EPB41L4A: variants seen among roughly 807,000 people sequenced by gnomAD.
EPB41L4A encodes erythrocyte membrane protein band 4.1 like 4A, also known as band 4.1-like protein 4A.
EPB41L4A carries 100 observed loss-of-function variants against 108.6 expected under a neutral mutation model. The observed-to-expected ratio is 0.92, with a 90% confidence interval of 0.78 to 1.09. The LOEUF is 1.09. Among genes scored for constraint, EPB41L4A ranks in the 50% least tolerant of loss-of-function variants. The pLI is 0.00. For synonymous variants in EPB41L4A, 319 were observed against 289.0 expected, an observed-to-expected ratio of 1.10 and a Z score of -1.05; for missense variants, 1,030 against 842.7, an observed-to-expected ratio of 1.22 and a Z score of -2.75.
intron 9 of EPB41L4A, among the ~76,000 whole-genome samples, chr5:112,256,563 TAGAA>T (rs1278960492): frequency 2.0e-5 from 3 of 151,504 alleles, no homozygotes; most frequent in Admixed American, 6.6e-5. Context: ...GAAGAGATAA[TAGAA>T]AGAAAAGATT....
intron 1 of EPB41L4A, among the ~76,000 whole-genome samples, chr5:112,417,219 G>T (rs1409874026): frequency 2.0e-5 from 3 of 152,158 alleles, no homozygotes; most frequent in African/African-American, 4.8e-5. Flanking sequence ...CAGGATTTTT[G>T]ATTCATGTTT....
chr5:112,399,542 C>G (rs1761599959), intron 1 of EPB41L4A, among the ~76,000 whole-genome samples: 1 of 152,156 alleles, frequency 6.6e-6, no homozygotes, highest in African/African-American at 2.4e-5. Context: ...TCCTCACTAT[C>G]TTTTTTTCTC....
chr5:112,408,794 C>T (rs1295962190), intron 1 of EPB41L4A, among the ~76,000 whole-genome samples: 2 of 147,024 alleles, frequency 1.4e-5, no homozygotes, highest in African/African-American at 5.0e-5. Context: ...CAATAAGATG[C>T]TACTTCACAC....
intron 6 of EPB41L4A, 127 bp downstream of exon 6, chr5:112,264,769 A>G (rs1484468269): frequency 1.1e-6 from 1 of 888,258 alleles, no homozygotes; most frequent in African/African-American, 1.7e-5. Context: ...GTTAAACTAT[A>G]CAAAGAGGAG....
intron 4 of EPB41L4A, among the ~76,000 whole-genome samples, chr5:112,267,066 CTCTA>C (rs1751914973): frequency 6.6e-6 from 1 of 152,194 alleles, no homozygotes; most frequent in Non-Finnish European, 1.5e-5. Context: ...GACCCTGGAA[CTCTA>C]TCAATCAGGA....
intron 1 of EPB41L4A, among the ~76,000 whole-genome samples, chr5:112,415,756 G>A (rs1279325823): frequency 6.6e-6 from 1 of 152,104 alleles, no homozygotes; most frequent in Non-Finnish European, 1.5e-5. Context: ...AGCAGCAAAA[G>A]ACAAACAGCT....
At chr5:112,217,502 C>T (rs923169381) in intron 12 of EPB41L4A, among the ~76,000 whole-genome samples, 1 of 152,114 alleles carries the variant, frequency 6.6e-6, no homozygotes, top group African/African-American at 2.4e-5. Context: ...AGTTTGAGAT[C>T]AGCCTGGGCA....
chr5:112,264,799 C>G (rs911086074), intron 6 of EPB41L4A, 97 bp downstream of exon 6: 1 of 1,197,562 alleles, frequency 8.4e-7, no homozygotes, highest in Admixed American at 2.5e-5. Context: ...ATTAAATGCA[C>G]AGGTGAAGAA....
rs545450835 is a variant in EPB41L4A, at chr5:112,241,062, T to C, written c.796-252A>G. ...CTACTTTTACATTGCCCCATGACAA[T>C]AGATAGTTTGGACGGTAGAAGTGAA... On this transcript the variant is annotated intron_variant, in intron 9 of 22. Transcript: ENST00000261486. Among the ~76,000 whole-genome samples, 5 of 152,194 alleles carry C rather than the reference T, an allele frequency of 3.3e-5. No homozygotes were observed. The East Asian group carries it at 9.7e-4, about 29-fold the overall frequency.
intron 1 of EPB41L4A, among the ~76,000 whole-genome samples, chr5:112,331,353 T>C (rs1756556483): frequency 2.0e-5 from 3 of 152,170 alleles, no homozygotes; most frequent in South Asian, 2.1e-4. Context: ...AACAAACCAG[T>C]GGAGAAGTGT....
At chr5:112,400,566 CCA>C (rs943307232) in intron 1 of EPB41L4A, among the ~76,000 whole-genome samples, 2 of 152,002 alleles carry the variant, frequency 1.3e-5, no homozygotes, top group African/African-American at 4.8e-5. Flanking sequence ...GAGGGAGGTG[CCA>C]CACACTTTTA....
intron 1 of EPB41L4A, among the ~76,000 whole-genome samples, chr5:112,376,818 T>C (rs1196552311): frequency 6.6e-6 from 1 of 152,034 alleles, no homozygotes; most frequent in Non-Finnish European, 1.5e-5. Context: ...TGATATGACA[T>C]TCTTGAAATA....
intron 1 of EPB41L4A, among the ~76,000 whole-genome samples, chr5:112,404,788 C>G (rs774148595): frequency 5.3e-5 from 8 of 152,178 alleles, no homozygotes; most frequent in Non-Finnish European, 1.2e-4. Flanking sequence ...AGTGCAGGGC[C>G]TGGTGCACAG....
intron 9 of EPB41L4A, among the ~76,000 whole-genome samples, chr5:112,256,670 G>A (rs1480450562): frequency 6.6e-6 from 1 of 151,936 alleles, no homozygotes; most frequent in African/African-American, 2.4e-5. Flanking sequence ...AGCAAAAAAG[G>A]GAAAATTCTT....
At chr5:112,351,900 A>G (rs988731164) in intron 1 of EPB41L4A, among the ~76,000 whole-genome samples, 3 of 152,218 alleles carry the variant, frequency 2.0e-5, no homozygotes, top group Non-Finnish European at 4.4e-5. Flanking sequence ...AAAGAACCAT[A>G]AGATCATCTT....
At chr5:112,404,812 T>C (rs574407271) in intron 1 of EPB41L4A, among the ~76,000 whole-genome samples, 1 of 152,238 alleles carries the variant, frequency 6.6e-6, no homozygotes, top group South Asian at 2.1e-4. Flanking sequence ...GGACTGCTAG[T>C]TCAAGCATTC....
chr5:112,234,359 T>G (rs1208124809), intron 12 of EPB41L4A, among the ~76,000 whole-genome samples: 2 of 151,478 alleles, frequency 1.3e-5, no homozygotes, highest in African/African-American at 4.8e-5. Flanking sequence ...TCCAGCCTGG[T>G]GACACAGCAA....
At chr5:112,203,598 T>C (rs1762320465) in intron 15 of EPB41L4A, among the ~76,000 whole-genome samples, 2 of 152,130 alleles carry the variant, frequency 1.3e-5, no homozygotes, top group Non-Finnish European at 2.9e-5. Context: ...ACAAATATTA[T>C]CCCTTCAAAC....
At chr5:112,169,714 G>A (rs532070752) in intron 20 of EPB41L4A, among the ~76,000 whole-genome samples, 4 of 152,288 alleles carry the variant, frequency 2.6e-5, no homozygotes, top group Admixed American at 2.0e-4. Flanking sequence ...TTGACCTAAA[G>A]ATGGGGACGG....
Sources: gnomAD v4.1 joint callset for allele counts (sites outside exome capture counted in the v4.1 genomes callset) on GRCh38, gnomAD v4.1.1 for gene constraint, MANE v1.5 for transcripts, NCBI Gene and HGNC (gene_info 2026-07-23, HGNC 2026-07-21) for gene names.